The following GABRB1 variants were observed in gnomAD, a reference collection of about 807,000 sequenced individuals.
GABRB1 encodes gamma-aminobutyric acid type A receptor subunit beta1, also known as gamma-aminobutyric acid receptor subunit beta-1.
A neutral mutation model predicts 51.6 loss-of-function variants in GABRB1; 17 were observed. The observed-to-expected ratio is 0.33, with a 90% CI of 0.23 to 0.49. GABRB1 has a LOEUF of 0.49. GABRB1 is among the 20% of genes least tolerant of loss of function. The probability of loss-of-function intolerance (pLI) is 0.99; values close to 1 mark genes in which losing one functional copy is unlikely to be tolerated. For missense variants in GABRB1, 410 were observed against 600.6 expected (o/e 0.68, Z 3.32); for synonymous variants, 247 against 218.9 (o/e 1.13, Z -1.14).
chr4:47,150,859 G>GT (rs1717413062), intron 3 of GABRB1, among the ~76,000 whole-genome samples: 1 of 151,856 alleles, frequency 6.6e-6, no homozygotes, highest in Non-Finnish European at 1.5e-5. Flanking sequence ...TGATCTTATT[G>GT]TTTTTTAAGT....
intron 3 of GABRB1, among the ~76,000 whole-genome samples, chr4:47,118,765 G>C (rs1410349734): frequency 6.6e-6 from 1 of 152,020 alleles, no homozygotes; most frequent in African/African-American, 2.4e-5. Flanking sequence ...AATACCTCCA[G>C]AAATAAACAT....
chr4:47,141,320 T>G (rs1439045282), intron 3 of GABRB1, among the ~76,000 whole-genome samples: 1 of 151,940 alleles, frequency 6.6e-6, no homozygotes, highest in East Asian at 1.9e-4. Flanking sequence ...ACATGACAAG[T>G]AGCTTATGCA....
chr4:47,285,833 C>T (rs910451744), intron 4 of GABRB1, among the ~76,000 whole-genome samples: 5 of 152,144 alleles, frequency 3.3e-5, no homozygotes, highest in Admixed American at 6.5e-5. Context: ...TTTGAAGACC[C>T]ATTTTTCACC....
rs188327654 is a variant in GABRB1, at chr4:47,123,209, A to G, written c.241-38040A>G. Reference sequence around the variant, plus strand: ...CACTACCTACTTTACAAAAGGTACTATTCTGGGCTAGAGACGAAATAAATC... The same window carrying G: ...CACTACCTACTTTACAAAAGGTACTGTTCTGGGCTAGAGACGAAATAAATC... On this transcript the variant is annotated intron_variant, in intron 3 of 8. Coordinates refer to ENST00000295454, the MANE Select transcript of GABRB1 (RefSeq NM_000812.4). 2.6e-3 allele frequency among the ~76,000 whole-genome samples: 391 copies of G among 149,090 alleles called. 1 individual carries two copies. The highest frequency in any genetic ancestry group is 9.3e-3 in the African/African-American group (378 of 40,470).
At chr4:47,385,204 C>T (rs1578137837) in intron 5 of GABRB1, among the ~76,000 whole-genome samples, 1 of 152,152 alleles carries the variant, frequency 6.6e-6, no homozygotes, top group East Asian at 1.9e-4. Flanking sequence ...CAGCAAGATC[C>T]TCTCTATTCC....
At chr4:47,106,989 G>A (rs529046844) in intron 3 of GABRB1, among the ~76,000 whole-genome samples, 50 of 152,158 alleles carry the variant, frequency 3.3e-4, no homozygotes, top group African/African-American at 1.2e-3. Flanking sequence ...GTAGGCAGAA[G>A]ATCTTCCAGC....
At chr4:47,100,051 T>C (rs1215660403) in intron 3 of GABRB1, among the ~76,000 whole-genome samples, 1 of 152,054 alleles carries the variant, frequency 6.6e-6, no homozygotes, top group Non-Finnish European at 1.5e-5. Context: ...ATTTTTTATA[T>C]TGAAATTATG....
intron 3 of GABRB1, among the ~76,000 whole-genome samples, chr4:47,041,261 T>C (rs150351522): frequency 2.0e-5 from 3 of 152,170 alleles, no homozygotes; most frequent in African/African-American, 7.2e-5. Context: ...GAATGGACTG[T>C]TGGGTATGAT....
At chr4:47,276,174 T>C (rs1723069497) in intron 4 of GABRB1, among the ~76,000 whole-genome samples, 1 of 152,184 alleles carries the variant, frequency 6.6e-6, no homozygotes, top group Non-Finnish European at 1.5e-5. Flanking sequence ...CAAGTTGCTG[T>C]GTTCAAACTT....
chr4:47,056,973 G>T (rs1360008732), intron 3 of GABRB1, among the ~76,000 whole-genome samples: 1 of 152,106 alleles, frequency 6.6e-6, no homozygotes, highest in African/African-American at 2.4e-5. Context: ...GGGCATGGTG[G>T]CATGCCCCTG....
At chr4:47,074,738 ATATAT>A (rs1727478077) in intron 3 of GABRB1, among the ~76,000 whole-genome samples, 4 of 152,190 alleles carry the variant, frequency 2.6e-5, no homozygotes, top group Admixed American at 2.6e-4. Flanking sequence ...TAGCATGCGA[ATATAT>A]AGTTGTCATA....
At chr4:47,021,952 A>G (rs556632873) in intron 1 of GABRB1, among the ~76,000 whole-genome samples, 1 of 152,226 alleles carries the variant, frequency 6.6e-6, no homozygotes, top group Admixed American at 6.6e-5. Flanking sequence ...TTTTATTTTT[A>G]ATTCCTAATT....
chr4:47,075,041 A>G (rs1193373208), intron 3 of GABRB1, among the ~76,000 whole-genome samples: 3 of 152,118 alleles, frequency 2.0e-5, no homozygotes, highest in African/African-American at 7.2e-5. Context: ...TCCCATGAGG[A>G]TTTTCACTGC....
chr4:47,111,789 C>T (rs1401137934), intron 3 of GABRB1, among the ~76,000 whole-genome samples: 1 of 151,974 alleles, frequency 6.6e-6, no homozygotes, highest in Non-Finnish European at 1.5e-5. Flanking sequence ...TACTTGAGCC[C>T]AGGAGATCGA....
In GABRB1 at chr4:47,124,302, C is replaced by T. The variant is rs149715236; in HGVS notation, c.241-36947C>T. Among the ~76,000 whole-genome samples the T allele has an allele frequency of 7.6e-4, 116 of 152,156 alleles. 2 individuals carry two copies. In the East Asian group the frequency reaches 0.019, roughly 25 times the overall value. ...TGGATAACTGGCAACAACTGCGTGA[C>T]CTGATTTCAGACCTGCTCAACTGCA... On this transcript the variant is annotated intron_variant, in intron 3 of 8. Transcript: ENST00000295454.
chr4:47,274,224 A>G (rs1285451628), intron 4 of GABRB1, among the ~76,000 whole-genome samples: 1 of 152,198 alleles, frequency 6.6e-6, no homozygotes, highest in East Asian at 1.9e-4. Context: ...TAATAAAAAC[A>G]ATATCATCTA....
In GABRB1 at chr4:47,055,932, A is replaced by G. The variant is rs542839185; in HGVS notation, c.240+23448A>G. Among the ~76,000 whole-genome samples, 3 of 152,324 alleles carry G rather than the reference A, an allele frequency of 2.0e-5. No homozygotes were observed. The East Asian group carries it at 5.8e-4, about 29-fold the overall frequency. ...CTTAGGGAATGTTGGCTCTTACAAA[A>G]TGCAAAGGCTTATGTACAATAATGT... On this transcript the variant is annotated intron_variant, in intron 3 of 8. Coordinates refer to ENST00000295454, the MANE Select transcript of GABRB1 (RefSeq NM_000812.4).
In GABRB1 at chr4:47,311,237, T is replaced by TACAACAACAACAACAACAAAA. The variant is rs1553874093; in HGVS notation, c.462-8871_462-8870insAAACAACAACAACAACAACAA. ...GGTAAAAACCCGTCTCTACTAAAAA[T>TACAACAACAACAACAACAAAA]ACAACAACAACAACAACAACAACAA... On this transcript the variant is annotated intron_variant, in intron 4 of 8. Transcript: ENST00000295454. Among the ~76,000 whole-genome samples, 22 of 142,450 alleles carry TACAACAACAACAACAACAAAA rather than the reference T, an allele frequency of 1.5e-4. No homozygotes were observed. In the Admixed American group the frequency reaches 1.6e-3, roughly 10 times the overall value. 93.5% of individuals were successfully genotyped at this position (142,450 alleles called of 152,430 possible). A position where few individuals can be genotyped will look rare whatever the true frequency, so the allele number is the denominator to read the frequency against.
At position 47,280,652 on chromosome 4, in the gene GABRB1, T is replaced by A. The variant is rs200818579; in HGVS notation, c.462-39475T>A. ...CCCCCAACACTATTTTATTTTTTTT[T>A]ATTTTAATTTTTTGAGACGGGGCCT... On this transcript the variant is annotated intron_variant, in intron 4 of 8. Coordinates refer to ENST00000295454, the MANE Select transcript of GABRB1 (RefSeq NM_000812.4). 1.3e-4 allele frequency among the ~76,000 whole-genome samples: 20 copies of A among 151,876 alleles called. No individual in the cohort carries two copies. The East Asian group carries it at 3.5e-3, about 26-fold the overall frequency.
Sources: allele counts gnomAD v4.1 joint callset (sites outside exome capture counted in the v4.1 genomes callset), GRCh38; gene constraint gnomAD v4.1.1; transcripts MANE v1.5; gene names NCBI Gene and HGNC (gene_info 2026-07-23, HGNC 2026-07-21).